The following RUNX2 variants were observed in gnomAD, a reference collection of about 807,000 sequenced individuals.
RUNX2 encodes the protein runt-related transcription factor 2.
Under a neutral mutation model 51.7 loss-of-function variants are expected in RUNX2, and 10 were observed. The observed-to-expected ratio is 0.19, with a 90% CI of 0.12 to 0.33. RUNX2 has a LOEUF of 0.33. Among genes scored for constraint, RUNX2 ranks in the 10% least tolerant of loss-of-function variants. The pLI, the probability that RUNX2 is intolerant of heterozygous loss-of-function variation, is 1.00. For missense variants in RUNX2, 562 were observed against 691.3 expected (o/e 0.81, Z 2.10); for synonymous variants, 276 against 273.6 (o/e 1.01, Z -0.09).
intron 2 of RUNX2, among the ~76,000 whole-genome samples, chr6:45,348,730 GAAATAATAT>G (rs756960123): frequency 6.6e-6 from 1 of 150,714 alleles, no homozygotes; most frequent in Non-Finnish European, 1.5e-5. Context: ...GGCATTAAAT[GAAATAATAT>G]ATAGGAAGAT....
intron 4 of RUNX2, among the ~76,000 whole-genome samples, chr6:45,433,713 C>A (rs2150369252): frequency 6.6e-6 from 1 of 152,176 alleles, no homozygotes; most frequent in Middle Eastern, 3.4e-3. Context: ...CAAAGAGAAA[C>A]AAAGGGTGTG....
chr6:45,466,226 T>C (rs138651219), intron 5 of RUNX2, among the ~76,000 whole-genome samples: 1 of 151,740 alleles, frequency 6.6e-6, no homozygotes, highest in African/African-American at 2.4e-5. Flanking sequence ...GGCAGGAGAA[T>C]CGCTTGAACC....
At chr6:45,384,494 A>T (rs1319990846) in intron 2 of RUNX2, among the ~76,000 whole-genome samples, 3 of 152,076 alleles carry the variant, frequency 2.0e-5, no homozygotes, top group Non-Finnish European at 4.4e-5. Context: ...TATGTTGGCA[A>T]GGCTGGTCTT....
At chr6:45,454,737 T>A (rs1484853572) in intron 5 of RUNX2, among the ~76,000 whole-genome samples, 3 of 152,188 alleles carry the variant, frequency 2.0e-5, no homozygotes, top group Non-Finnish European at 2.9e-5. Flanking sequence ...AGCTGAACCA[T>A]AGCTGAGTTC....
intron 2 of RUNX2, among the ~76,000 whole-genome samples, chr6:45,369,866 T>C (rs192406373): frequency 2.6e-5 from 4 of 152,238 alleles, no homozygotes; most frequent in Admixed American, 2.6e-4. Context: ...TGGCATTTAA[T>C]ATAAGATCTG....
intron 4 of RUNX2, among the ~76,000 whole-genome samples, chr6:45,436,114 A>G (rs1798677261): frequency 6.6e-6 from 1 of 152,248 alleles, no homozygotes. Context: ...TGGATAAAAT[A>G]TATCAATGAC....
intron 5 of RUNX2, among the ~76,000 whole-genome samples, chr6:45,452,840 G>A (rs548701374): frequency 3.3e-5 from 5 of 152,256 alleles, no homozygotes; most frequent in African/African-American, 9.6e-5. Context: ...TAGGGGAAAG[G>A]AAAAATACTC....
chr6:45,400,321 G>A (rs2150351629), intron 2 of RUNX2, among the ~76,000 whole-genome samples: 1 of 152,270 alleles, frequency 6.6e-6, no homozygotes, highest in Admixed American at 6.5e-5. Context: ...GGCAGTGGCT[G>A]GATCCTTTAT....
chr6:45,498,561 T>G (rs563334028), intron 6 of RUNX2, among the ~76,000 whole-genome samples: 1 of 152,250 alleles, frequency 6.6e-6, no homozygotes, highest in East Asian at 1.9e-4. Context: ...TTCAATATAA[T>G]CATTTAAATG....
At chr6:45,498,288 T>A (rs910869502) in intron 6 of RUNX2, among the ~76,000 whole-genome samples, 1 of 152,204 alleles carries the variant, frequency 6.6e-6, no homozygotes, top group Non-Finnish European at 1.5e-5. Context: ...ATTTCACAGA[T>A]GGAAGAAATT....
chr6:45,420,554 T>C (rs898644400), intron 2 of RUNX2, among the ~76,000 whole-genome samples: 5 of 152,258 alleles, frequency 3.3e-5, no homozygotes, highest in Non-Finnish European at 2.9e-5. Context: ...ATTCTAATTC[T>C]TCATTTATTT....
rs1195781769 is a variant in RUNX2, at chr6:45,550,010, T to C, written c.*2705T>C. 1.3e-5 allele frequency: 2 copies of C among 152,142 alleles called. No individual in the cohort carries two copies. The highest frequency in any genetic ancestry group is 2.9e-5 in the Non-Finnish European group (2 of 67,934). 9.4% of individuals were successfully genotyped at this position (152,142 alleles called of 1,614,324 possible). On this transcript the variant is annotated 3_prime_UTR_variant, in exon 9 of 9. Transcript: ENST00000647337. ...TTTGTTTTTCTTTCTTTCTTTTTTT[T>C]TTTTTTTCACTGAACCCTTAATTTG...
rs771988272 is a variant in RUNX2, at chr6:45,422,595, C to A, written c.61C>A (p.Pro21Thr). The change falls in exon 3 of 9, where the codon CCG becomes ACG. Residue 21 changes from proline (P) to threonine (T), a missense_variant and splice_region_variant. Around this residue, in one of 5 missense-constraint regions of RUNX2, gnomAD observed 153 missense variants for 144.8 expected, o/e 1.06. Transcript: ENST00000647337. ...TGTTGTGATGCGTATTCCCGTAGAT[C>A]CGAGCACCAGCCGGCGCTTCAGCCC... is the stretch of plus-strand genomic sequence containing the variant. Reference protein sequence around the residue: ...TPCQQNFFWDPSTSRRFSPPS... With the variant: ...TPCQQNFFWDTSTSRRFSPPS... 1.9e-6 allele frequency: 3 copies of A among 1,579,328 alleles called. No homozygotes were observed. The highest frequency in any genetic ancestry group is 1.7e-4 in the Middle Eastern group (1 of 5,918).
chr6:45,506,717 G>A (rs537273925), intron 6 of RUNX2, among the ~76,000 whole-genome samples: 3 of 152,086 alleles, frequency 2.0e-5, no homozygotes, highest in Non-Finnish European at 2.9e-5. Context: ...GTACAGTGGC[G>A]TGACTCAGTG....
At chr6:45,372,335 A>C (rs1023250198) in intron 2 of RUNX2, among the ~76,000 whole-genome samples, 1 of 152,192 alleles carries the variant, frequency 6.6e-6, no homozygotes, top group East Asian at 1.9e-4. Flanking sequence ...GTTCATGCTG[A>C]TGATGATGAT....
chr6:45,353,598 G>A (rs1379415748), intron 2 of RUNX2, among the ~76,000 whole-genome samples: 1 of 151,960 alleles, frequency 6.6e-6, no homozygotes, highest in Non-Finnish European at 1.5e-5. Flanking sequence ...TTCTAACTTA[G>A]AACCCTCCCT....
intron 2 of RUNX2, among the ~76,000 whole-genome samples, chr6:45,403,848 GGA>G (rs1466985265): frequency 3.3e-5 from 5 of 152,224 alleles, no homozygotes; most frequent in African/African-American, 1.2e-4. Context: ...TCAGAGAAAT[GGA>G]GAAAAACAAA....
At chr6:45,508,720 T>C (rs1402041348) in intron 6 of RUNX2, among the ~76,000 whole-genome samples, 1 of 152,192 alleles carries the variant, frequency 6.6e-6, no homozygotes, top group Admixed American at 6.5e-5. Flanking sequence ...AGGCCTCCAC[T>C]AAAAGCAAAA....
At chr6:45,487,748 C>T (rs1331074227) in intron 5 of RUNX2, among the ~76,000 whole-genome samples, 2 of 152,146 alleles carry the variant, frequency 1.3e-5, no homozygotes, top group African/African-American at 2.4e-5. Flanking sequence ...ATTTACTGAG[C>T]ACCCACTCTG....
Sources: gnomAD v4.1 joint callset for allele counts (sites outside exome capture counted in the v4.1 genomes callset) on GRCh38, gnomAD v4.1.1 for gene constraint, gnomAD v4.1.1 regional missense constraint, MANE v1.5 for transcripts, NCBI Gene and HGNC (gene_info 2026-07-23, HGNC 2026-07-21) for gene names.